Variants in HMGA2 observed in about 807,000 individuals in gnomAD.
HMGA2 encodes the protein high mobility group protein HMGI-C.
A neutral mutation model predicts 19.1 loss-of-function variants in HMGA2; 8 were observed. That is an observed-to-expected ratio of 0.42 (90% CI 0.25 to 0.76). The LOEUF (loss-of-function observed/expected upper bound fraction) is 0.76. HMGA2 is among the 30% of genes least tolerant of loss of function. The pLI is 0.28. For missense variants in HMGA2, 109 were observed against 136.3 expected (o/e 0.80, Z 1.00); for synonymous variants, 60 against 48.8 (o/e 1.23, Z -0.96).
rs1240728249 is a variant in HMGA2 at position 65,825,300 on chromosome 12, G to A, written c.30G>A (p.Gln10=). Residue 10 remains glutamine (Q), a synonymous_variant, in exon 1 of 5, where the codon CAG becomes CAA. Coordinates refer to ENST00000403681, the MANE Select transcript of HMGA2 (RefSeq NM_003483.6). The surrounding 1 kb of genome is among the most constrained non-coding windows in gnomAD (Gnocchi z 4.4). ...GCGCACGCGGTGAGGGCGCGGGGCAGCCGTCCACTTCAGCCCAGGGACAAC... is the reference window on the plus strand; with the variant it reads ...GCGCACGCGGTGAGGGCGCGGGGCAACCGTCCACTTCAGCCCAGGGACAAC... MSARGEGAG[Q]PSTSAQGQPA... is the part of the protein sequence containing the mutation. 1.3e-6 allele frequency: 2 copies of A among 1,535,114 alleles called. No individual in the cohort carries two copies. The highest frequency in any genetic ancestry group is 1.2e-5 in the South Asian group (1 of 83,420).
chr12:65,940,596 C>T (rs1257378595), intron 3 of HMGA2, among the ~76,000 whole-genome samples: 4 of 151,876 alleles, frequency 2.6e-5, no homozygotes, highest in Non-Finnish European at 5.9e-5. Context: ...GGATGGTTGC[C>T]TATAACACTG....
intron 3 of HMGA2, among the ~76,000 whole-genome samples, chr12:65,909,382 A>C (rs1009687120): frequency 1.3e-5 from 2 of 151,864 alleles, no homozygotes; most frequent in African/African-American, 2.4e-5. Flanking sequence ...TTTTTTTTTT[A>C]ATCTCTGATT....
intron 3 of HMGA2, among the ~76,000 whole-genome samples, chr12:65,907,876 G>T (rs1874671682): frequency 6.6e-6 from 1 of 152,062 alleles, no homozygotes; most frequent in African/African-American, 2.4e-5. Context: ...GCTTCTGGGT[G>T]GTTTCAACGA....
intron 3 of HMGA2, among the ~76,000 whole-genome samples, chr12:65,922,908 A>G (rs955431803): frequency 2.0e-5 from 3 of 151,960 alleles, no homozygotes; most frequent in Non-Finnish European, 4.4e-5. Context: ...CCTCTTCCTC[A>G]TTTTCTCTTG....
intron 3 of HMGA2, among the ~76,000 whole-genome samples, chr12:65,906,010 G>A (rs1592435919): frequency 6.6e-6 from 1 of 152,224 alleles, no homozygotes. Context: ...ATCAGCAATA[G>A]TTCACTTAAA....
chr12:65,934,541 C>T (rs976187103), intron 3 of HMGA2, among the ~76,000 whole-genome samples: 1 of 152,130 alleles, frequency 6.6e-6, no homozygotes, highest in Non-Finnish European at 1.5e-5. Flanking sequence ...TCCTGAGAGC[C>T]TTGGCCTCTA....
Position 65,832,461 on chromosome 12 carries a change from A to G in HMGA2, c.198+4374A>G, listed in dbSNP as rs11175933. 5.8e-3 allele frequency among the ~76,000 whole-genome samples: 887 copies of G among 152,090 alleles called. 69 individuals are homozygous for G. In the East Asian group the frequency reaches 0.15, roughly 25 times the overall value. The stretch of plus-strand genomic sequence containing the variant: ...CAAGTTCTCAACAGATCATTTTGCT[A>G]AGGAGATAGAATATACCAGATTGGT... On this transcript the variant is annotated intron_variant, in intron 2 of 4. Transcript: ENST00000403681.
intron 3 of HMGA2, among the ~76,000 whole-genome samples, chr12:65,936,114 T>G (rs941355211): frequency 1.3e-5 from 2 of 152,218 alleles, no homozygotes; most frequent in African/African-American, 4.8e-5. Context: ...GCCACTATTA[T>G]TAAGCTGTTT....
intron 3 of HMGA2, among the ~76,000 whole-genome samples, chr12:65,868,561 C>T (rs967317089): frequency 6.6e-6 from 1 of 152,104 alleles, no homozygotes; most frequent in East Asian, 1.9e-4. Context: ...GCACCACCTA[C>T]GTTGAATATG....
intron 4 of HMGA2, among the ~76,000 whole-genome samples, chr12:65,959,867 C>T (rs991655119): frequency 6.6e-6 from 1 of 152,150 alleles, no homozygotes; most frequent in African/African-American, 2.4e-5. Flanking sequence ...TTGTCTATAA[C>T]ACACGGCCAT....
At chr12:65,914,111 A>G (rs1196669644) in intron 3 of HMGA2, among the ~76,000 whole-genome samples, 1 of 152,144 alleles carries the variant, frequency 6.6e-6, no homozygotes, top group African/African-American at 2.4e-5. Flanking sequence ...TAGAACTAGA[A>G]ATACCATTTG....
chr12:65,924,146 G>T (rs956293799), intron 3 of HMGA2, among the ~76,000 whole-genome samples: 1 of 152,122 alleles, frequency 6.6e-6, no homozygotes, highest in Non-Finnish European at 1.5e-5. Flanking sequence ...GGTCCATCTT[G>T]TCTTGGCTTA....
chr12:65,885,104 A>G (rs1873598348), intron 3 of HMGA2, among the ~76,000 whole-genome samples: 1 of 152,172 alleles, frequency 6.6e-6, no homozygotes. Flanking sequence ...TTAGCTCTGT[A>G]GTAAGTAGTT....
At position 65,878,286 on chromosome 12, in the gene HMGA2, A is replaced by G. The variant is rs140777059; in HGVS notation, c.249+39717A>G. ...ACTTTCCAAGTGGTCCCTGTAAACA[A>G]GGGATGCTTGAAGAACTGCCAAGCT... On this transcript the variant is annotated intron_variant, in intron 3 of 4. Coordinates refer to ENST00000403681, the MANE Select transcript of HMGA2 (RefSeq NM_003483.6). Among the ~76,000 whole-genome samples, 1,362 of 152,334 alleles carry G rather than the reference A, an allele frequency of 8.9e-3. 17 individuals are homozygous for G. Among genetic ancestry groups the G allele is most frequent in the Middle Eastern group, 0.037 (11 of 294 alleles).
At chr12:65,841,932 G>A (rs1409334244) in intron 3 of HMGA2, among the ~76,000 whole-genome samples, 1 of 152,066 alleles carries the variant, frequency 6.6e-6, no homozygotes, top group Non-Finnish European at 1.5e-5. Context: ...GTGATCTAAC[G>A]AGTGTGTTAA....
chr12:65,902,284 A>T (rs1194708175), intron 3 of HMGA2, among the ~76,000 whole-genome samples: 2 of 152,200 alleles, frequency 1.3e-5, no homozygotes, highest in African/African-American at 4.8e-5. Flanking sequence ...ATAGTAATAA[A>T]CAAACAATAT....
chr12:65,842,639 T>A, intron 3 of HMGA2: 4 of 1,535,440 alleles, frequency 2.6e-6, no homozygotes, highest in Non-Finnish European at 3.5e-6. Flanking sequence ...ATAGCAGAGA[T>A]TTGGTGTCAT....
At chr12:65,885,144 T>C (rs1278400052) in intron 3 of HMGA2, among the ~76,000 whole-genome samples, 1 of 152,208 alleles carries the variant, frequency 6.6e-6, no homozygotes, top group African/African-American at 2.4e-5. Flanking sequence ...GAACTTTATC[T>C]AGAGAAGCTT....
intron 3 of HMGA2, among the ~76,000 whole-genome samples, chr12:65,897,999 C>T (rs868266896): frequency 1.3e-5 from 2 of 151,960 alleles, no homozygotes; most frequent in African/African-American, 4.8e-5. Flanking sequence ...ATTCATCCAT[C>T]GGAAGGGATA....
Sources: gnomAD v4.1 joint callset for allele counts (sites outside exome capture counted in the v4.1 genomes callset) on GRCh38, gnomAD v4.1.1 for gene constraint, Gnocchi (gnomAD v3.1) non-coding constraint, MANE v1.5 for transcripts, NCBI Gene and HGNC (gene_info 2026-07-23, HGNC 2026-07-21) for gene names.